The following GCNT2 variants were observed in gnomAD, a reference collection of about 807,000 sequenced individuals.
GCNT2 encodes the protein N-acetyllactosaminide beta-1,6-N-acetylglucosaminyl-transferase.
In GCNT2, 34 loss-of-function variants were observed where a neutral mutation model predicts 34.2. That is an observed-to-expected ratio of 1.00 (90% CI 0.76 to 1.32). The LOEUF (loss-of-function observed/expected upper bound fraction) is 1.32, where lower values mean the gene tolerates loss of function less well. Among genes scored for constraint, GCNT2 ranks in the 40% most tolerant of loss-of-function variants. GCNT2 has a pLI of 0.00. For missense variants in GCNT2, 584 were observed against 489.4 expected (o/e 1.19, Z -1.82); for synonymous variants, 212 against 188.0 (o/e 1.13, Z -1.04).
At position 10,537,721 on chromosome 6, in the gene GCNT2, AAAAAAC is replaced by A. The variant is rs1216555036; in HGVS notation, c.925+7890_925+7895del. ...CGCAAAAAAAAAAAAAAAAAAAAAA[AAAAAAC>A]AAAACAAAGAAAACGAAAGAAAATG... is the stretch of plus-strand genomic sequence containing the variant. On this transcript the variant is annotated intron_variant, in intron 3 of 4. Transcript: ENST00000495262. Among the ~76,000 whole-genome samples the A allele has an allele frequency of 2.3e-4, 33 of 146,104 alleles. No individual in the cohort carries two copies. The East Asian group carries it at 4.9e-3, about 21-fold the overall frequency.
intron 3 of GCNT2, among the ~76,000 whole-genome samples, chr6:10,567,331 T>G (rs1366098685): frequency 6.6e-6 from 1 of 152,014 alleles, no homozygotes; most frequent in Non-Finnish European, 1.5e-5. Flanking sequence ...GTGGCACATG[T>G]CTGTGGTACC....
chr6:10,619,463 CCTCAGCCTCCTGA>C (rs1406235190), intron 3 of GCNT2: 1 of 152,292 alleles, frequency 6.6e-6, no homozygotes, highest in African/African-American at 2.4e-5. Context: ...GATCCTCCTG[CCTCAGCCTCCTGA>C]GTAGCTGGGA....
intron 3 of GCNT2, 79 bp downstream of exon 3, chr6:10,529,915 GGA>G: frequency 9.0e-7 from 1 of 1,105,994 alleles, no homozygotes; most frequent in East Asian, 2.4e-5. Context: ...TGAAAAGAGT[GGA>G]AAAAATGGGA....
At chr6:10,614,680 G>C (rs984512717) in intron 3 of GCNT2, among the ~76,000 whole-genome samples, 1 of 150,078 alleles carries the variant, frequency 6.7e-6, no homozygotes, top group Non-Finnish European at 1.5e-5. Flanking sequence ...AATGCTTTTT[G>C]GTACTGAGAA....
chr6:10,615,896 T>A (rs937273797), intron 3 of GCNT2, among the ~76,000 whole-genome samples: 1 of 152,048 alleles, frequency 6.6e-6, no homozygotes, highest in Non-Finnish European at 1.5e-5. Context: ...TTTTGGTGGG[T>A]TTTGGGCGGC....
chr6:10,626,876 C>G lies in GCNT2; in HGVS notation c.*269C>G. The G allele has an allele frequency of 2.3e-6, 1 of 441,348 alleles. No individual in the cohort carries two copies. Among genetic ancestry groups the G allele is most frequent in the Non-Finnish European group, 4.1e-6 (1 of 241,090 alleles). 27.3% of individuals were successfully genotyped at this position (441,348 alleles called of 1,614,324 possible). On this transcript the variant is annotated 3_prime_UTR_variant, in exon 5 of 5. Transcript: ENST00000495262. The stretch of plus-strand genomic sequence containing the variant: ...CTCTATATTAGTTTATTGTTAGGAT[C>G]AATGATAAATTTAAATGACCTCAGA...
At chr6:10,619,829 G>A (rs1765955975) in intron 3 of GCNT2, among the ~76,000 whole-genome samples, 1 of 152,212 alleles carries the variant, frequency 6.6e-6, no homozygotes, top group Admixed American at 6.5e-5. Context: ...CCTGTCTGTA[G>A]GCTCTGAATA....
At chr6:10,564,094 A>C (rs1454298059) in intron 3 of GCNT2, among the ~76,000 whole-genome samples, 1 of 152,084 alleles carries the variant, frequency 6.6e-6, no homozygotes, top group Non-Finnish European at 1.5e-5. Flanking sequence ...TGGCTTTTTC[A>C]TGTGAGCAGA....
intron 3 of GCNT2, among the ~76,000 whole-genome samples, chr6:10,595,128 G>T (rs1764796847): frequency 6.6e-6 from 1 of 152,088 alleles, no homozygotes; most frequent in African/African-American, 2.4e-5. Flanking sequence ...CCACCAAAAA[G>T]CTTCACTTAC....
chr6:10,556,759 C>A (rs759899795), intron 3 of GCNT2: 2 of 1,614,074 alleles, frequency 1.2e-6, no homozygotes, highest in Admixed American at 3.3e-5. Flanking sequence ...CAAGGCTCTT[C>A]AGGGCTATTT....
At chr6:10,605,208 ATTTTT>A (rs869167781) in intron 3 of GCNT2, among the ~76,000 whole-genome samples, 15 of 94,190 alleles carry the variant, frequency 1.6e-4, no homozygotes, top group Admixed American at 4.0e-4. Flanking sequence ...TCATGTAGGA[ATTTTT>A]TTTTTTTTTT....
At chr6:10,561,214 G>A (rs1306444313) in intron 3 of GCNT2, among the ~76,000 whole-genome samples, 1 of 152,160 alleles carries the variant, frequency 6.6e-6, no homozygotes, top group Admixed American at 6.5e-5. Flanking sequence ...CCAGGCTAGA[G>A]TGCAATGGCA....
At chr6:10,588,156 G>A (rs1764439006) in intron 3 of GCNT2, among the ~76,000 whole-genome samples, 1 of 152,186 alleles carries the variant, frequency 6.6e-6, no homozygotes, top group South Asian at 2.1e-4. Flanking sequence ...GGTGGCTGGA[G>A]ACGAGAGAAT....
intron 3 of GCNT2, among the ~76,000 whole-genome samples, chr6:10,597,183 T>C (rs1764891500): frequency 7.5e-6 from 1 of 133,786 alleles, no homozygotes; most frequent in South Asian, 2.5e-4. Flanking sequence ...TGAGACACGA[T>C]CTTACTCTAT....
rs1342104389 is a variant in GCNT2 at position 10,529,790 on chromosome 6, C to CT, written c.880dup (p.Tyr294LeufsTer37). On this transcript the variant is annotated frameshift_variant, in exon 3 of 5. Coordinates refer to ENST00000495262, the MANE Select transcript of GCNT2 (RefSeq NM_145649.5). LOFTEE classifies it high-confidence loss of function. ...ACTTACTCTCCTGGTCCAAGGACAC[C>CT]TACAGCCCCGACGAACATTTCTGGG... 6.2e-7 allele frequency: 1 copy of CT among 1,614,160 alleles called. No homozygotes were observed. Among genetic ancestry groups the CT allele is most frequent in the Admixed American group, 1.7e-5 (1 of 60,026 alleles).
chr6:10,627,667 CAT>C lies in GCNT2; in HGVS notation c.*1061_*1062del. On this transcript the variant is annotated 3_prime_UTR_variant, in exon 5 of 5. Coordinates refer to ENST00000495262, the MANE Select transcript of GCNT2 (RefSeq NM_145649.5). ...TCTTGAGTGTCTATTATGTACAGGA[CAT>C]GTACTGAGACAAAAAGGAAACATAA... 1 of 152,274 alleles carries C rather than the reference CAT, an allele frequency of 6.6e-6. No individual in the cohort carries two copies. The highest frequency in any genetic ancestry group is 1.5e-5 in the Non-Finnish European group (1 of 68,030). 9.4% of individuals were successfully genotyped at this position (152,274 alleles called of 1,614,324 possible).
At chr6:10,606,302 G>A (rs1449724586) in intron 3 of GCNT2, among the ~76,000 whole-genome samples, 1 of 152,186 alleles carries the variant, frequency 6.6e-6, no homozygotes, top group Non-Finnish European at 1.5e-5. Context: ...GTGACAGAGT[G>A]AGGCTCCTTC....
Position 10,586,771 on chromosome 6 carries a change from A to C in GCNT2, c.926-34580A>C, listed in dbSNP as rs1378475313. ...TCACCTCCACATCAGCTGACCATCT[A>C]CTTTGGCACTGCCTATGTGGCGCTT... On this transcript the variant is annotated intron_variant, in intron 3 of 4. Coordinates refer to ENST00000495262, the MANE Select transcript of GCNT2 (RefSeq NM_145649.5). The C allele has an allele frequency of 3.1e-6, 5 of 1,614,100 alleles. No individual in the cohort carries two copies. The South Asian group carries it at 5.5e-5, about 18-fold the overall frequency.
Position 10,556,431 on chromosome 6 carries a change from T to C in GCNT2, c.925+26595T>C, listed in dbSNP as rs75648279. ...TTCACCCTTCTTTGAGGCATGCCTTTATCAATGCGTTACCTCTTCATAATT... is the reference window on the plus strand; with the variant it reads ...TTCACCCTTCTTTGAGGCATGCCTTCATCAATGCGTTACCTCTTCATAATT... On this transcript the variant is annotated intron_variant, in intron 3 of 4. Coordinates refer to ENST00000495262, the MANE Select transcript of GCNT2 (RefSeq NM_145649.5). 1,860 of 1,613,984 alleles carry C rather than the reference T, an allele frequency of 1.2e-3. 13 individuals are homozygous for C. In the African/African-American group the frequency reaches 0.021, roughly 18 times the overall value.
Sources: allele counts gnomAD v4.1 joint callset (sites outside exome capture counted in the v4.1 genomes callset), GRCh38; gene constraint gnomAD v4.1.1; transcripts MANE v1.5; gene names NCBI Gene and HGNC (gene_info 2026-07-23, HGNC 2026-07-21).